Variants in CACNA1A observed in about 807,000 individuals in gnomAD.
CACNA1A encodes the protein calcium voltage-gated channel subunit alpha1 A.
A neutral mutation model predicts 262.4 loss-of-function variants in CACNA1A; 57 were observed. That is an observed-to-expected ratio of 0.22 (90% confidence interval 0.18 to 0.27). The LOEUF (loss-of-function observed/expected upper bound fraction) is 0.27, where lower values mean the gene tolerates loss of function less well. CACNA1A is among the 10% of genes least tolerant of loss of function. CACNA1A has a pLI of 1.00. For synonymous variants in CACNA1A, 1,431 were observed against 1,419.3 expected (o/e 1.01, Z -0.18); for missense variants, 2,526 against 3,562.8 (o/e 0.71, Z 7.41).
At chr19:13,268,599 A>AT (rs375265021) in intron 24 of CACNA1A, among the ~76,000 whole-genome samples, 44 of 151,238 alleles carry the variant, frequency 2.9e-4, no homozygotes, top group African/African-American at 6.1e-4. Flanking sequence ...CGCCCAGCTA[A>AT]TTTTTTTTGT....
At chr19:13,431,458 G>A (rs1332292944) in intron 3 of CACNA1A, among the ~76,000 whole-genome samples, 2 of 152,044 alleles carry the variant, frequency 1.3e-5, no homozygotes, top group African/African-American at 2.4e-5. Context: ...GCACTGCAGG[G>A]GGTTAAAGCC....
At chr19:13,403,694 G>A (rs1444306753) in intron 3 of CACNA1A, among the ~76,000 whole-genome samples, 1 of 152,140 alleles carries the variant, frequency 6.6e-6, no homozygotes, top group Non-Finnish European at 1.5e-5. Flanking sequence ...CCAGCATGTT[G>A]GAAGGCCGAG....
At chr19:13,227,283 G>GA (rs1022720032) in intron 37 of CACNA1A, 148 bp downstream of exon 37, 26 of 436,630 alleles carry the variant, frequency 6.0e-5, no homozygotes, top group South Asian at 2.8e-4. Context: ...CTCGAGAAAA[G>GA]AAAAAAAAGA....
At chr19:13,255,814 T>G (rs2144740573) in intron 28 of CACNA1A, among the ~76,000 whole-genome samples, 1 of 141,164 alleles carries the variant, frequency 7.1e-6, no homozygotes, top group South Asian at 2.5e-4. Flanking sequence ...ACTTTCCTTT[T>G]TCCTTCCTTC....
chr19:13,359,138 T>TACA (rs1452592055), intron 6 of CACNA1A, among the ~76,000 whole-genome samples: 1 of 152,170 alleles, frequency 6.6e-6, no homozygotes, highest in Non-Finnish European at 1.5e-5. Flanking sequence ...AAACATGGCC[T>TACA]ACAAAGTGGG....
chr19:13,301,183 T>C (rs2057781324), intron 17 of CACNA1A, among the ~76,000 whole-genome samples: 1 of 151,890 alleles, frequency 6.6e-6, no homozygotes, highest in South Asian at 2.1e-4. Context: ...CTTGAACTTC[T>C]GGCCTCAAAT....
chr19:13,254,939 C>T (rs79779832), intron 29 of CACNA1A, among the ~76,000 whole-genome samples, 156 bp downstream of exon 29: 40 of 152,048 alleles, frequency 2.6e-4, no homozygotes, highest in Middle Eastern at 3.4e-3. Flanking sequence ...GTGGTGGGAA[C>T]AGTGTGTCAG....
At chr19:13,380,775 T>C (rs1332396585) in intron 3 of CACNA1A, among the ~76,000 whole-genome samples, 1 of 150,684 alleles carries the variant, frequency 6.6e-6, no homozygotes, top group African/African-American at 2.4e-5. Context: ...ATTTATTTAT[T>C]TATTTATTTA....
rs56218610 is a variant in CACNA1A at position 13,429,167 on chromosome 19, T to TACACACAC, written c.539+23701_539+23708dup. Among the ~76,000 whole-genome samples the TACACACAC allele has an allele frequency of 9.8e-4, 138 of 141,244 alleles. 1 individual carries two copies. The highest frequency in any genetic ancestry group is 1.9e-3 in the East Asian group (9 of 4,646). The allele number at this position is 141,244 out of a possible 152,430, so 92.7% of individuals were successfully genotyped here. A position where few individuals can be genotyped will look rare whatever the true frequency, so the allele number is the denominator to read the frequency against. On this transcript the variant is annotated intron_variant, in intron 3 of 46. Transcript: ENST00000360228. ...CCCCTCCAGCCTCTATCACTGTGCG[T>TACACACAC]ACACACACACACACACACACACACA...
intron 10 of CACNA1A, among the ~76,000 whole-genome samples, chr19:13,320,973 T>C (rs1390219506): frequency 6.6e-6 from 1 of 152,112 alleles, no homozygotes; most frequent in Non-Finnish European, 1.5e-5. Flanking sequence ...GTCAGCCACA[T>C]TCAAGGGATC....
Position 13,212,111 on chromosome 19 carries a change from C to T in CACNA1A, c.6295G>A (p.Glu2099Lys), listed in dbSNP as rs757385012. Residue 2099 changes from glutamate (E) to lysine (K), a missense_variant, in exon 43 of 47, where the codon GAG becomes AAG. By Grantham distance (56) the Glu-to-Lys change is moderately conservative (BLOSUM62 1). This residue lies in a region of CACNA1A where 929 missense variants were observed against 868.1 expected (regional missense o/e 1.07). Transcript: ENST00000360228. This position sits in a 1 kb window ranked among gnomAD's most constrained non-coding sequence, Gnocchi z 5.6. ...GTGGTGAAAGCCCTCACCTGGTTCT[C>T]TGCAGGGAGGCGGGGCATGGAGGCA... ...RAASMPRLPA[E>K]NQRRRGRPRG... 1.9e-6 allele frequency: 3 copies of T among 1,611,224 alleles called. No individual in the cohort carries two copies. The highest frequency in any genetic ancestry group is 3.3e-5 in the Admixed American group (2 of 60,002).
intron 10 of CACNA1A, among the ~76,000 whole-genome samples, chr19:13,323,791 A>G (rs566419486): frequency 2.0e-5 from 3 of 152,216 alleles, no homozygotes; most frequent in South Asian, 2.1e-4. Context: ...CCATTTGTCC[A>G]TTTTGGCTTC....
intron 30 of CACNA1A, among the ~76,000 whole-genome samples, chr19:13,250,679 A>G (rs1358300472): frequency 1.3e-5 from 2 of 152,164 alleles, no homozygotes; most frequent in Non-Finnish European, 2.9e-5. Context: ...TACAGGTGTG[A>G]GCCACCGCAC....
chr19:13,353,451 G>A (rs972014206), intron 6 of CACNA1A, among the ~76,000 whole-genome samples: 1 of 151,942 alleles, frequency 6.6e-6, no homozygotes, highest in Non-Finnish European at 1.5e-5. Context: ...ATCATTATAT[G>A]GTGAGCCTTT....
rs569618151 is a variant in CACNA1A, at chr19:13,359,321, G to A, written c.978+285C>T. 4.6e-5 allele frequency among the ~76,000 whole-genome samples: 7 copies of A among 152,250 alleles called. 1 individual carries two copies. The South Asian group carries it at 1.5e-3, about 32-fold the overall frequency. On this transcript the variant is annotated intron_variant, in intron 6 of 46. Coordinates refer to ENST00000360228, the MANE Select transcript of CACNA1A (RefSeq NM_001127222.2). The stretch of plus-strand genomic sequence containing the variant: ...GGTTTTTGGATCACATAACCTTTCC[G>A]TATTCAAAAATCTAAAATTATATCT...
At chr19:13,279,474 C>T (rs1026783594) in intron 22 of CACNA1A, among the ~76,000 whole-genome samples, 1 of 152,004 alleles carries the variant, frequency 6.6e-6, no homozygotes, top group African/African-American at 2.4e-5. Flanking sequence ...GCAAGGGCCA[C>T]TGCGTTCATT....
intron 3 of CACNA1A, among the ~76,000 whole-genome samples, chr19:13,385,234 T>C (rs1036139526): frequency 3.3e-5 from 5 of 149,554 alleles, no homozygotes; most frequent in South Asian, 2.1e-4. Flanking sequence ...TTCTTTCTTT[T>C]TTTTTTTTTT....
intron 30 of CACNA1A, among the ~76,000 whole-genome samples, chr19:13,246,834 G>T (rs1259339814): frequency 1.3e-5 from 2 of 151,822 alleles, no homozygotes; most frequent in Admixed American, 1.3e-4. Flanking sequence ...CACCATGTTA[G>T]CCAGGATGAT....
chr19:13,250,319 CA>C (rs1417560432), intron 30 of CACNA1A, among the ~76,000 whole-genome samples: 1 of 152,010 alleles, frequency 6.6e-6, no homozygotes, highest in Non-Finnish European at 1.5e-5. Flanking sequence ...CTCAAGCTCC[CA>C]AACTGCCGGG....
Sources: gnomAD v4.1 joint callset for allele counts (sites outside exome capture counted in the v4.1 genomes callset) on GRCh38, gnomAD v4.1.1 for gene constraint, gnomAD v4.1.1 regional missense constraint, Gnocchi (gnomAD v3.1) non-coding constraint, MANE v1.5 for transcripts, NCBI Gene and HGNC (gene_info 2026-07-23, HGNC 2026-07-21) for gene names.